TLN2: variants seen among roughly 807,000 people sequenced by gnomAD.
TLN2 encodes the protein talin 2, also known as talin-2.
TLN2 carries 118 observed loss-of-function variants against 294.7 expected under a neutral mutation model. The observed-to-expected ratio is 0.40, with a 90% confidence interval of 0.34 to 0.47. The LOEUF (loss-of-function observed/expected upper bound fraction) is 0.47, where lower values mean the gene tolerates loss of function less well. TLN2 is among the 20% of genes least tolerant of loss of function. The pLI is 0.84. For missense variants in TLN2, 3,083 were observed against 3,282.2 expected (o/e 0.94, Z 1.48); for synonymous variants, 1,431 against 1,304.5 (o/e 1.10, Z -2.09).
chr15:62,608,679 G>A (rs1015387312), intron 2 of TLN2, among the ~76,000 whole-genome samples: 37 of 152,200 alleles, frequency 2.4e-4, no homozygotes, highest in African/African-American at 7.9e-4. Flanking sequence ...GAGGTGATGA[G>A]TTTATTTTTG....
intron 3 of TLN2, chr15:62,637,642 G>A (rs11852700): frequency 0.58 from 87,951 of 152,044 alleles, 25,758 homozygotes; most frequent in Middle Eastern, 0.7. Context: ...AGATATACAT[G>A]GAAGCGCCCT....
intron 3 of TLN2, 65 bp from the exon 4 acceptor site, chr15:62,647,209 TG>T (rs2051980327): frequency 1.4e-6 from 2 of 1,400,944 alleles, no homozygotes; most frequent in Non-Finnish European, 1.9e-6. Context: ...GCACTTTTTT[TG>T]TTTTTTTTTC....
chr15:62,723,052 G>T (rs2060242054), intron 26 of TLN2, among the ~76,000 whole-genome samples: 2 of 152,098 alleles, frequency 1.3e-5, no homozygotes, highest in Non-Finnish European at 1.5e-5. Flanking sequence ...TTACCAAAGG[G>T]CCTCATTTAC....
At chr15:62,568,877 A>G (rs1016384743) in intron 1 of TLN2, among the ~76,000 whole-genome samples, 2 of 152,170 alleles carry the variant, frequency 1.3e-5, no homozygotes, top group African/African-American at 4.8e-5. Context: ...GTGTTAGAGC[A>G]TGTATGAGCT....
rs180913287 is a variant in TLN2 at position 62,813,772 on chromosome 15, T to C, written c.6771+3740T>C. ...TCTAGATGTAAAGATGGAGGAGATA[T>C]AGTTCTAGTGCTGGCAGTTGAAGGC... On this transcript the variant is annotated intron_variant, in intron 52 of 58. Transcript: ENST00000636159. Among the ~76,000 whole-genome samples the C allele has an allele frequency of 2.5e-3, 377 of 152,146 alleles. 2 individuals carry two copies. The highest frequency in any genetic ancestry group is 8.2e-3 in the African/African-American group (342 of 41,498).
chr15:62,782,054 C>A (rs2064222271), intron 44 of TLN2, among the ~76,000 whole-genome samples: 1 of 152,218 alleles, frequency 6.6e-6, no homozygotes, highest in African/African-American at 2.4e-5. Context: ...AAAGATGCCT[C>A]TTTGATACTT....
intron 3 of TLN2, among the ~76,000 whole-genome samples, chr15:62,634,678 CTTTAT>C (rs962275606): frequency 6.6e-6 from 1 of 152,144 alleles, no homozygotes; most frequent in African/African-American, 2.4e-5. Flanking sequence ...TTTTATCTGG[CTTTAT>C]TTTATTAACT....
chr15:62,461,299 T>C (rs1172985560), intron 1 of TLN2, among the ~76,000 whole-genome samples: 2 of 152,064 alleles, frequency 1.3e-5, no homozygotes, highest in Non-Finnish European at 1.5e-5. Context: ...TGTCCTCTTG[T>C]TTCTGGTTTT....
At chr15:62,733,815 C>T (rs553620967) in intron 28 of TLN2, 2 of 152,334 alleles carry the variant, frequency 1.3e-5, no homozygotes, top group African/African-American at 4.8e-5. Context: ...AAACAGAAAT[C>T]TGCTTTAGTA....
At chr15:62,465,751 C>T (rs1039896019) in intron 1 of TLN2, among the ~76,000 whole-genome samples, 3 of 152,214 alleles carry the variant, frequency 2.0e-5, no homozygotes, top group Admixed American at 6.5e-5. Flanking sequence ...CTTACATGTA[C>T]ATTGAATGCA....
Position 62,800,782 on chromosome 15 carries a change from C to T in TLN2, c.6477+13C>T. 1 of 1,601,086 alleles carries T rather than the reference C, an allele frequency of 6.2e-7. No individual in the cohort carries two copies. Among genetic ancestry groups the T allele is most frequent in the Non-Finnish European group, 8.5e-7 (1 of 1,172,516 alleles). On this transcript the variant is annotated intron_variant, in intron 50 of 58. Coordinates refer to ENST00000636159, the MANE Select transcript of TLN2 (RefSeq NM_015059.3). Reference sequence around the variant, plus strand: ...GCAGGAGCTTACGGTAAGGAGCCAGCAGTTACCTCCCTTGGGTACCAGAGT... The same window carrying T: ...GCAGGAGCTTACGGTAAGGAGCCAGTAGTTACCTCCCTTGGGTACCAGAGT...
chr15:62,830,873 G>A (rs1029807111), intron 54 of TLN2: 1 of 152,132 alleles, frequency 6.6e-6, no homozygotes, highest in Non-Finnish European at 1.5e-5. Context: ...CAGAGCAAAT[G>A]TCTCCCAGAG....
At chr15:62,635,323 T>G (rs1260047614) in intron 3 of TLN2, among the ~76,000 whole-genome samples, 1 of 152,184 alleles carries the variant, frequency 6.6e-6, no homozygotes, top group African/African-American at 2.4e-5. Flanking sequence ...TGCATCCTTA[T>G]TTATGATAGG....
chr15:62,620,720 G>A (rs1205548970), intron 3 of TLN2, among the ~76,000 whole-genome samples: 5 of 151,210 alleles, frequency 3.3e-5, no homozygotes, highest in South Asian at 2.1e-4. Context: ...GGGCTCAAGC[G>A]ATCCTCCCAC....
At chr15:62,763,400 C>G (rs1038994718) in intron 39 of TLN2, 163 bp from the exon 40 acceptor site, 25 of 714,350 alleles carry the variant, frequency 3.5e-5, no homozygotes, top group Non-Finnish European at 5.1e-5. Context: ...AATGCATGGG[C>G]TGTGCAGTGA....
rs539017068 is a variant in TLN2, at chr15:62,498,944, G to A, written c.-237-90743G>A. On this transcript the variant is annotated intron_variant, in intron 1 of 58. Transcript: ENST00000636159. ...GAGTAGAGGTCAGTTAGTGGAATGT[G>A]GAGAGTTTAAAGTCATTGCTGACTT... 2.6e-5 allele frequency among the ~76,000 whole-genome samples: 4 copies of A among 152,268 alleles called. No homozygotes were observed. The East Asian group carries it at 7.7e-4, about 29-fold the overall frequency.
At chr15:62,571,627 TC>T (rs150378047) in intron 1 of TLN2, among the ~76,000 whole-genome samples, 2,641 of 152,308 alleles carry the variant, frequency 0.017, 82 homozygotes, top group African/African-American at 0.061. Flanking sequence ...ATTCTAAACA[TC>T]TGCAGGAGTA....
intron 9 of TLN2, among the ~76,000 whole-genome samples, chr15:62,667,758 T>C (rs1431678838): frequency 6.6e-6 from 1 of 152,206 alleles, no homozygotes; most frequent in African/African-American, 2.4e-5. Flanking sequence ...ACGGTCAGAC[T>C]AGGAAACATC....
intron 9 of TLN2, among the ~76,000 whole-genome samples, chr15:62,665,576 C>T (rs2054524732): frequency 6.6e-6 from 1 of 152,144 alleles, no homozygotes; most frequent in Non-Finnish European, 1.5e-5. Context: ...TCATCCTTGA[C>T]TCTCACAGCC....
Sources: allele counts gnomAD v4.1 joint callset (sites outside exome capture counted in the v4.1 genomes callset), GRCh38; gene constraint gnomAD v4.1.1; transcripts MANE v1.5; gene names NCBI Gene and HGNC (gene_info 2026-07-23, HGNC 2026-07-21).